Variants in SSH2 observed in about 807,000 individuals in gnomAD.
The protein encoded by SSH2 is protein phosphatase Slingshot homolog 2.
A neutral mutation model predicts 135.2 loss-of-function variants in SSH2; 37 were observed. The ratio of observed to expected loss-of-function variants is 0.27; its 90% CI spans 0.21 to 0.36. The LOEUF (loss-of-function observed/expected upper bound fraction) is 0.36, where lower values mean the gene tolerates loss of function less well. Among genes scored for constraint, SSH2 ranks in the 10% least tolerant of loss-of-function variants. SSH2 has a pLI of 1.00. For missense variants in SSH2, 1,408 were observed against 1,765.3 expected (o/e 0.80, Z 3.63); for synonymous variants, 628 against 646.2 (o/e 0.97, Z 0.43).
chr17:29,667,404 T>C (rs1377750683), intron 9 of SSH2, among the ~76,000 whole-genome samples, 181 bp from the exon 10 acceptor site: 1 of 152,196 alleles, frequency 6.6e-6, no homozygotes, highest in Non-Finnish European at 1.5e-5. Context: ...AGTGGCCTGT[T>C]AGAAGCCGGG....
chr17:29,854,191 T>A (rs1233293499), intron 1 of SSH2, among the ~76,000 whole-genome samples: 1 of 151,936 alleles, frequency 6.6e-6, no homozygotes, highest in Non-Finnish European at 1.5e-5. Flanking sequence ...ATTCCCTACA[T>A]AACCTGGAAG....
At position 29,924,694 on chromosome 17, in the gene SSH2, T is replaced by C. The variant is rs542197666; in HGVS notation, c.63+5244A>G. ...CAACAGCTATCCTTTCCCAGCACTATAGGGAACCTGCCTTTAGCAGCACCT... is the reference window on the plus strand; with the variant it reads ...CAACAGCTATCCTTTCCCAGCACTACAGGGAACCTGCCTTTAGCAGCACCT... On this transcript the variant is annotated intron_variant, in intron 1 of 15. Coordinates refer to ENST00000540801, the MANE Select transcript of SSH2 (RefSeq NM_001282129.2). Among the ~76,000 whole-genome samples, 9 of 152,248 alleles carry C rather than the reference T, an allele frequency of 5.9e-5. No individual in the cohort carries two copies. In the South Asian group the frequency reaches 1.9e-3, roughly 32 times the overall value.
intron 4 of SSH2, among the ~76,000 whole-genome samples, chr17:29,697,401 A>G (rs1477112664): frequency 1.3e-5 from 2 of 152,230 alleles, no homozygotes; most frequent in South Asian, 4.1e-4. Flanking sequence ...ACTGTTATGT[A>G]CAAGAAGTGG....
At chr17:29,805,059 C>T (rs1385743074) in intron 2 of SSH2, among the ~76,000 whole-genome samples, 1 of 151,620 alleles carries the variant, frequency 6.6e-6, no homozygotes, top group Admixed American at 6.6e-5. Context: ...AATATGGAAA[C>T]TTCACAAGTC....
At chr17:29,717,876 G>T (rs2039680660) in intron 3 of SSH2, among the ~76,000 whole-genome samples, 1 of 152,160 alleles carries the variant, frequency 6.6e-6, no homozygotes, top group African/African-American at 2.4e-5. Context: ...TGAAAAAAAG[G>T]TAGTGGGAGC....
Position 29,731,426 on chromosome 17 carries a change from TTTATTTATTTA to T in SSH2, c.189-28375_189-28365del, listed in dbSNP as rs1567925258. 3.3e-3 allele frequency among the ~76,000 whole-genome samples: 294 copies of T among 89,598 alleles called. 2 individuals are homozygous for T. The highest frequency in any genetic ancestry group is 0.019 in the Middle Eastern group (3 of 158). The allele number at this position is 89,598 out of a possible 152,430, so 58.8% of individuals were successfully genotyped here. ...TCATAGCAGAAGTATTTTTTATTTA[TTTATTTATTTA>T]TTTATTTATTTATTTATTTATTTAT... On this transcript the variant is annotated intron_variant, in intron 3 of 15. Transcript: ENST00000540801.
intron 3 of SSH2, among the ~76,000 whole-genome samples, chr17:29,709,052 A>AGAGAGAGAGCGCGC (rs1491229455): frequency 4.1e-5 from 6 of 144,602 alleles, no homozygotes; most frequent in African/African-American, 1.5e-4. Context: ...AGAGAGAGAG[A>AGAGAGAGAGCGCGC]GCTAATAATA....
At chr17:29,705,190 T>A (rs184580069) in intron 3 of SSH2, among the ~76,000 whole-genome samples, 1 of 152,306 alleles carries the variant, frequency 6.6e-6, no homozygotes, top group African/African-American at 2.4e-5. Flanking sequence ...TTCAAATATA[T>A]CTTGAACCTG....
At chr17:29,676,435 CA>C (rs35493002) in intron 8 of SSH2, 1,909 of 123,466 alleles carry the variant, frequency 0.015, no homozygotes, top group South Asian at 0.063. Context: ...GGCTTCGTCT[CA>C]AAAAAAAAAA....
intron 1 of SSH2, among the ~76,000 whole-genome samples, chr17:29,885,633 G>T (rs566017639): frequency 6.6e-6 from 1 of 152,274 alleles, no homozygotes; most frequent in South Asian, 2.1e-4. Flanking sequence ...AATGCTTACT[G>T]ATATGGTTTG....
At chr17:29,742,563 G>A (rs527933508) in intron 3 of SSH2, among the ~76,000 whole-genome samples, 10 of 138,754 alleles carry the variant, frequency 7.2e-5, no homozygotes, top group African/African-American at 2.8e-4. Context: ...TGAACTCTTG[G>A]GCCCAAGCAG....
chr17:29,873,141 G>A (rs2065966865), intron 1 of SSH2, among the ~76,000 whole-genome samples: 1 of 152,118 alleles, frequency 6.6e-6, no homozygotes, highest in African/African-American at 2.4e-5. Flanking sequence ...CAACCTGCAA[G>A]CAAAACAAAA....
Position 29,627,385 on chromosome 17 carries a change from C to T in SSH2, c.*3456G>A, listed in dbSNP as rs1322659937. On this transcript the variant is annotated 3_prime_UTR_variant, in exon 16 of 16. Transcript: ENST00000540801. ...AGGTGAACACTTCTGTGACCTGCTACATCTCAGAAGCTTCTCATAGGAAGC... is the reference window on the plus strand; with the variant it reads ...AGGTGAACACTTCTGTGACCTGCTATATCTCAGAAGCTTCTCATAGGAAGC... 6.6e-6 allele frequency: 1 copy of T among 152,640 alleles called. No homozygotes were observed. Among genetic ancestry groups the T allele is most frequent in the East Asian group, 1.9e-4 (1 of 5,200 alleles). The allele number at this position is 152,640 out of a possible 1,614,324, so 9.5% of individuals were successfully genotyped here.
At position 29,913,347 on chromosome 17, in the gene SSH2, A is replaced by AAAAAAAAAATTATAT; in HGVS notation, c.63+16590_63+16591insATATAATTTTTTTTT. Among the ~76,000 whole-genome samples, 3 of 28,786 alleles carry AAAAAAAAAATTATAT rather than the reference A, an allele frequency of 1.0e-4. 1 individual carries two copies. The highest frequency in any genetic ancestry group is 1.5e-3 in the Admixed American group (2 of 1,362). 18.9% of individuals were successfully genotyped at this position (28,786 alleles called of 152,430 possible). The stretch of plus-strand genomic sequence containing the variant: ...AAAAAAAAAAAAAAAAAAAAAAAAA[A>AAAAAAAAAATTATAT]ATATATATATATATATATATATATA... On this transcript the variant is annotated intron_variant, in intron 1 of 15. Transcript: ENST00000540801.
At chr17:29,724,200 A>AGAAAGGTTT (rs1458228207) in intron 3 of SSH2, among the ~76,000 whole-genome samples, 12 of 152,202 alleles carry the variant, frequency 7.9e-5, no homozygotes, top group Non-Finnish European at 1.5e-4. Flanking sequence ...TTCTGTACTC[A>AGAAAGGTTT]TATAATCTAA....
chr17:29,688,604 A>G (rs1208647179), intron 5 of SSH2, among the ~76,000 whole-genome samples: 1 of 151,984 alleles, frequency 6.6e-6, no homozygotes, highest in African/African-American at 2.4e-5. Flanking sequence ...AGCTGGGACC[A>G]CAAGTGCCCG....
At chr17:29,697,036 A>T (rs1055998468) in intron 4 of SSH2, among the ~76,000 whole-genome samples, 1 of 152,124 alleles carries the variant, frequency 6.6e-6, no homozygotes, top group South Asian at 2.1e-4. Flanking sequence ...TCTCCTGAAC[A>T]TATTATTAGG....
chr17:29,807,855 T>TA (rs1555636507), intron 2 of SSH2, among the ~76,000 whole-genome samples: 20 of 148,306 alleles, frequency 1.3e-4, no homozygotes, highest in African/African-American at 4.8e-4. Flanking sequence ...TTTTTTTTTT[T>TA]AGGAAACACT....
chr17:29,781,850 T>G (rs1227341261), intron 3 of SSH2, among the ~76,000 whole-genome samples: 2 of 151,728 alleles, frequency 1.3e-5, no homozygotes, highest in African/African-American at 2.4e-5. Flanking sequence ...TCTCTCTCTC[T>G]TTCTTTCTTA....
Sources: gnomAD v4.1 joint callset for allele counts (sites outside exome capture counted in the v4.1 genomes callset) on GRCh38, gnomAD v4.1.1 for gene constraint, MANE v1.5 for transcripts, NCBI Gene and HGNC (gene_info 2026-07-23, HGNC 2026-07-21) for gene names.